The following DGKB variants were observed in gnomAD, a reference collection of about 807,000 sequenced individuals.
DGKB encodes the protein diacylglycerol kinase beta.
A neutral mutation model predicts 114.3 loss-of-function variants in DGKB; 67 were observed. The observed-to-expected ratio is 0.59, with a 90% CI of 0.48 to 0.72. The LOEUF (loss-of-function observed/expected upper bound fraction) is 0.72. Among genes scored for constraint, DGKB ranks in the 30% least tolerant of loss-of-function variants. DGKB has a pLI of 0.00. For missense variants in DGKB, 907 were observed against 975.2 expected, an observed-to-expected ratio of 0.93 and a Z score of 0.93; for synonymous variants, 398 against 323.1, an observed-to-expected ratio of 1.23 and a Z score of -2.49.
In DGKB at chr7:14,272,958, T is replaced by A. The variant is rs147886142; in HGVS notation, c.2122+65557A>T. On this transcript the variant is annotated intron_variant, in intron 23 of 25. Transcript: ENST00000402815. ...TACATGGAATAGTTGAGTGAAAGGA[T>A]GCACCTAATAATATCTGATATACCC... Among the ~76,000 whole-genome samples the A allele has an allele frequency of 1.9e-3, 287 of 152,298 alleles. 1 individual carries two copies. Among genetic ancestry groups the A allele is most frequent in the Non-Finnish European group, 1.6e-3 (109 of 68,018 alleles).
intron 23 of DGKB, among the ~76,000 whole-genome samples, chr7:14,312,537 C>T (rs1162470782): frequency 6.6e-6 from 1 of 152,128 alleles, no homozygotes; most frequent in African/African-American, 2.4e-5. Context: ...TAAATATTTA[C>T]TCTTGAGTAC....
rs1562627969 is a variant in DGKB at position 14,211,371 on chromosome 7, GTGTTTTGTGATTTTACTCTCA to G, written c.2123-33241_2123-33221del. On this transcript the variant is annotated intron_variant, in intron 23 of 25. Transcript: ENST00000402815. ...CTCATGTTTTGTGATATTTACTCTCGTGTTTTGTGATTTTACTCTCATGTTTTGTGATATTTACTCTCATGT... is the reference window on the plus strand; with the variant it reads ...CTCATGTTTTGTGATATTTACTCTCGTGTTTTGTGATATTTACTCTCATGT... 3.5e-3 allele frequency among the ~76,000 whole-genome samples: 93 copies of G among 26,760 alleles called. 14 individuals are homozygous for G. The highest frequency in any genetic ancestry group is 0.014 in the African/African-American group (79 of 5,580). The allele number at this position is 26,760 out of a possible 152,430, so 17.6% of individuals were successfully genotyped here.
intron 21 of DGKB, among the ~76,000 whole-genome samples, chr7:14,477,230 A>C (rs1426224277): frequency 6.6e-6 from 1 of 152,232 alleles, no homozygotes; most frequent in Non-Finnish European, 1.5e-5. Context: ...AGAAGATTAC[A>C]TCAATGTACT....
intron 23 of DGKB, among the ~76,000 whole-genome samples, chr7:14,234,439 T>C (rs1327888225): frequency 6.6e-6 from 1 of 151,872 alleles, no homozygotes; most frequent in African/African-American, 2.4e-5. Context: ...AAAATATTCC[T>C]CTCCTTCTTG....
At chr7:14,279,461 T>C (rs1315520512) in intron 23 of DGKB, among the ~76,000 whole-genome samples, 1 of 152,180 alleles carries the variant, frequency 6.6e-6, no homozygotes, top group African/African-American at 2.4e-5. Context: ...AGCAGTAACC[T>C]CTGCAGACTT....
intron 1 of DGKB, among the ~76,000 whole-genome samples, chr7:14,948,063 G>A (rs771694572): frequency 2.0e-5 from 3 of 151,572 alleles, no homozygotes; most frequent in Non-Finnish European, 3.0e-5. Context: ...ATATATTGGC[G>A]ATTTTATTTT....
At chr7:14,400,477 T>C (rs1822930858) in intron 21 of DGKB, among the ~76,000 whole-genome samples, 1 of 151,860 alleles carries the variant, frequency 6.6e-6, no homozygotes, top group African/African-American at 2.4e-5. Context: ...AGACTTCATC[T>C]TGCCAGTGTA....
intron 15 of DGKB, among the ~76,000 whole-genome samples, chr7:14,620,177 CTT>C (rs1239629305): frequency 1.3e-5 from 2 of 151,078 alleles, no homozygotes; most frequent in Admixed American, 6.6e-5. Context: ...AAATGTACAT[CTT>C]GATTTACTTT....
chr7:14,957,539 G>A (rs1203867064), intron 1 of DGKB, among the ~76,000 whole-genome samples: 2 of 151,962 alleles, frequency 1.3e-5, no homozygotes, highest in African/African-American at 4.8e-5. Context: ...AGGAATATAT[G>A]AATATATTTC....
chr7:14,730,235 T>A (rs1830705916), intron 5 of DGKB, among the ~76,000 whole-genome samples: 1 of 152,232 alleles, frequency 6.6e-6, no homozygotes, highest in Admixed American at 6.5e-5. Flanking sequence ...GTAATTTCTC[T>A]GAAGGCAGTT....
At position 14,830,671 on chromosome 7, in the gene DGKB, A is replaced by G. The variant is rs566770985; in HGVS notation, c.70+10523T>C. ...CATCATTTGGCAGCTGCAGTCACTC[A>G]AAAAGCAACACAGCCTGCTCTAAAG... On this transcript the variant is annotated intron_variant, in intron 2 of 25. Coordinates refer to ENST00000402815, the MANE Select transcript of DGKB (RefSeq NM_001350709.2). Among the ~76,000 whole-genome samples, 3 of 152,174 alleles carry G rather than the reference A, an allele frequency of 2.0e-5. No individual in the cohort carries two copies. In the East Asian group the frequency reaches 5.8e-4, roughly 29 times the overall value.
intron 1 of DGKB, among the ~76,000 whole-genome samples, chr7:14,952,429 C>G (rs1175628410): frequency 3.3e-5 from 5 of 151,954 alleles, no homozygotes; most frequent in African/African-American, 1.2e-4. Flanking sequence ...TCTACAGAAT[C>G]ACTGACATCT....
At chr7:14,804,544 T>A (rs1398834379) in intron 2 of DGKB, among the ~76,000 whole-genome samples, 1 of 151,916 alleles carries the variant, frequency 6.6e-6, no homozygotes, top group Admixed American at 6.6e-5. Flanking sequence ...CAGTTTTAGG[T>A]AGAAAATGTG....
chr7:14,301,755 G>A lies in DGKB; in HGVS notation c.2122+36760C>T, dbSNP rs1287917019. The stretch of plus-strand genomic sequence containing the variant: ...ACTAATAAGAGAGTAAAAAAATGGT[G>A]TTACCATCTGGCTAAAGATGGAGAT... On this transcript the variant is annotated intron_variant, in intron 23 of 25. Transcript: ENST00000402815. Among the ~76,000 whole-genome samples the A allele has an allele frequency of 3.3e-5, 5 of 152,080 alleles. No homozygotes were observed. In the East Asian group the frequency reaches 7.7e-4, roughly 24 times the overall value.
At chr7:14,159,518 T>C (rs189651574) in intron 25 of DGKB, among the ~76,000 whole-genome samples, 2 of 152,328 alleles carry the variant, frequency 1.3e-5, no homozygotes, top group African/African-American at 2.4e-5. Context: ...ATTTGAGTTA[T>C]GTGTACCTGC....
intron 25 of DGKB, among the ~76,000 whole-genome samples, chr7:14,165,640 G>T (rs1216793594): frequency 6.6e-6 from 1 of 152,136 alleles, no homozygotes; most frequent in African/African-American, 2.4e-5. Flanking sequence ...GTGATCAACG[G>T]ATTCCATTAT....
chr7:14,672,939 G>T lies in DGKB; in HGVS notation c.1124C>A (p.Pro375Gln). ...TAAGGAAAAACTCACCAGTACCACTGGACAGATTGTTGTGGGTGGTAAAAT... is the reference window on the plus strand; with the variant it reads ...TAAGGAAAAACTCACCAGTACCACTTGACAGATTGTTGTGGGTGGTAAAAT... ...DHILPPTTIC[P>Q]VVLTLPTSGV... is the part of the protein sequence containing the mutation. Residue 375 changes from proline (P) to glutamine (Q), a missense_variant, in exon 13 of 26, where the codon CCA becomes CAA. By Grantham distance (76) the Pro-to-Gln change is moderately conservative (BLOSUM62 -1). This residue lies in a region of DGKB where 814 missense variants were observed against 856.6 expected (regional missense o/e 0.95). Coordinates refer to ENST00000402815, the MANE Select transcript of DGKB (RefSeq NM_001350709.2). The T allele has an allele frequency of 6.4e-7, 1 of 1,563,012 alleles. No homozygotes were observed. The highest frequency in any genetic ancestry group is 8.7e-7 in the Non-Finnish European group (1 of 1,150,452).
intron 25 of DGKB, among the ~76,000 whole-genome samples, chr7:14,164,895 T>C (rs1784405828): frequency 6.6e-6 from 1 of 152,190 alleles, no homozygotes; most frequent in Admixed American, 6.6e-5. Flanking sequence ...CTAAATGTGA[T>C]ATATGGTAAT....
chr7:14,399,878 T>G (rs1357185712), intron 21 of DGKB, among the ~76,000 whole-genome samples: 1 of 151,894 alleles, frequency 6.6e-6, no homozygotes, highest in Non-Finnish European at 1.5e-5. Context: ...TAAACAGTCT[T>G]CATAGACTGC....
Sources: allele counts gnomAD v4.1 joint callset (sites outside exome capture counted in the v4.1 genomes callset), GRCh38; gene constraint gnomAD v4.1.1; regional missense constraint gnomAD v4.1.1; transcripts MANE v1.5; gene names NCBI Gene and HGNC (gene_info 2026-07-23, HGNC 2026-07-21).